N4BP2: variants seen among roughly 807,000 people sequenced by gnomAD.
N4BP2 encodes the protein NEDD4 binding protein 2, also known as NEDD4-binding protein 2.
A neutral mutation model predicts 152.8 loss-of-function variants in N4BP2; 91 were observed. That is an observed-to-expected ratio of 0.60 (90% CI 0.50 to 0.71). The LOEUF is 0.71. Among genes scored for constraint, N4BP2 ranks in the 30% least tolerant of loss-of-function variants. The probability of loss-of-function intolerance (pLI) is 0.00; values close to 1 mark genes in which losing one functional copy is unlikely to be tolerated. For synonymous variants in N4BP2, 646 were observed against 705.3 expected, an observed-to-expected ratio of 0.92 and a Z score of 1.33; for missense variants, 1,923 against 2,059.1, an observed-to-expected ratio of 0.93 and a Z score of 1.28.
chr4:40,148,328 G>C (rs940956944), intron 16 of N4BP2, among the ~76,000 whole-genome samples: 1 of 152,216 alleles, frequency 6.6e-6, no homozygotes, highest in Non-Finnish European at 1.5e-5. Flanking sequence ...GCGCGCGCCT[G>C]CAATCGCAGG....
intron 14 of N4BP2, among the ~76,000 whole-genome samples, chr4:40,138,668 C>T (rs2110025670): frequency 6.6e-6 from 1 of 152,264 alleles, no homozygotes; most frequent in Admixed American, 6.5e-5. Context: ...CTATTCTTTC[C>T]CCATTGAATT....
At chr4:40,084,099 C>T (rs1713681033) in intron 2 of N4BP2, among the ~76,000 whole-genome samples, 1 of 152,182 alleles carries the variant, frequency 6.6e-6, no homozygotes, top group African/African-American at 2.4e-5. Context: ...TACAGGCATG[C>T]GCCACCACTC....
At chr4:40,178,296 A>T in the N4BP2 span, among the ~76,000 whole-genome samples, 1 of 152,270 alleles carries the variant, frequency 6.6e-6, no homozygotes, top group Non-Finnish European at 1.5e-5. Flanking sequence ...GGATAGAATC[A>T]GAAATGAATA....
At chr4:40,094,505 GCT>G (rs1224443768) in intron 2 of N4BP2, among the ~76,000 whole-genome samples, 1 of 151,810 alleles carries the variant, frequency 6.6e-6, no homozygotes, top group Admixed American at 6.6e-5. Context: ...TTATTTTGTA[GCT>G]CTTTTTAGTG....
chr4:40,106,765 C>G (rs1295455400), intron 4 of N4BP2, 135 bp from the exon 5 acceptor site: 1 of 741,908 alleles, frequency 1.3e-6, no homozygotes. Flanking sequence ...GCCAGGCTGG[C>G]CTTGAACTCC....
intron 8 of N4BP2, among the ~76,000 whole-genome samples, chr4:40,118,589 C>T (rs1717569116): frequency 6.6e-6 from 1 of 152,082 alleles, no homozygotes; most frequent in Non-Finnish European, 1.5e-5. Context: ...TTTTGTGAGT[C>T]CGTGATTATG....
intron 3 of N4BP2, among the ~76,000 whole-genome samples, chr4:40,101,490 A>G (rs1715649177): frequency 6.6e-6 from 1 of 152,204 alleles, no homozygotes; most frequent in African/African-American, 2.4e-5. Flanking sequence ...ATTATATTAC[A>G]GTGTAATTGT....
At chr4:40,187,012 A>T in the N4BP2 span, among the ~76,000 whole-genome samples, 1 of 152,248 alleles carries the variant, frequency 6.6e-6, no homozygotes, top group African/African-American at 2.4e-5. Context: ...TTGCATCAGT[A>T]ATAAAGTGAA....
At chr4:40,144,567 T>C in intron 15 of N4BP2, 65 bp from the exon 16 acceptor site, 2 of 1,316,194 alleles carry the variant, frequency 1.5e-6, no homozygotes, top group Non-Finnish European at 2.1e-6. Context: ...GGGGCACTAT[T>C]AACTTCCTCA....
chr4:40,153,175 T>A (rs1290505216), intron 17 of N4BP2, among the ~76,000 whole-genome samples: 1 of 152,238 alleles, frequency 6.6e-6, no homozygotes, highest in Non-Finnish European at 1.5e-5. Flanking sequence ...GAAAAATGTG[T>A]TTGTTGCCAA....
At chr4:40,067,674 T>C (rs937405543) in intron 1 of N4BP2, among the ~76,000 whole-genome samples, 6 of 152,124 alleles carry the variant, frequency 3.9e-5, no homozygotes, top group African/African-American at 1.4e-4. Context: ...CCAGTTTCTC[T>C]ACATCTTCAC....
chr4:40,170,603 A>G, the N4BP2 span, among the ~76,000 whole-genome samples: 1 of 152,214 alleles, frequency 6.6e-6, no homozygotes, highest in Middle Eastern at 3.4e-3. Flanking sequence ...GGTGCCACTG[A>G]ACTCCATCCT....
At chr4:40,139,491 CTT>C (rs1226118008) in intron 14 of N4BP2, among the ~76,000 whole-genome samples, 18 of 125,734 alleles carry the variant, frequency 1.4e-4, no homozygotes, top group Middle Eastern at 3.8e-3. Flanking sequence ...CAGCATTAGG[CTT>C]TTTTTTTTTT....
intron 2 of N4BP2, among the ~76,000 whole-genome samples, chr4:40,084,850 G>A (rs543578950): frequency 6.6e-6 from 1 of 150,688 alleles, no homozygotes; most frequent in African/African-American, 2.4e-5. Flanking sequence ...CCCGACCTCA[G>A]GTGATCTGCC....
chr4:40,132,376 AT>A (rs1718981158), intron 13 of N4BP2, among the ~76,000 whole-genome samples: 1 of 152,002 alleles, frequency 6.6e-6, no homozygotes. Context: ...TATTATAAAA[AT>A]TTTTCTTTAT....
At chr4:40,066,696 CT>C (rs778297722) in intron 1 of N4BP2, among the ~76,000 whole-genome samples, 13 of 152,114 alleles carry the variant, frequency 8.5e-5, no homozygotes, top group Non-Finnish European at 1.5e-4. Flanking sequence ...CAGTTTTTTT[CT>C]TTGTAGTTAA....
chr4:40,132,364 A>G (rs951088136), intron 13 of N4BP2, among the ~76,000 whole-genome samples: 2 of 152,132 alleles, frequency 1.3e-5, no homozygotes, highest in African/African-American at 4.8e-5. Context: ...GTTATGTCCT[A>G]ATATTATAAA....
chr4:40,163,792 CTTTG>C, the N4BP2 span, among the ~76,000 whole-genome samples: 2 of 152,166 alleles, frequency 1.3e-5, no homozygotes, highest in African/African-American at 4.8e-5. Flanking sequence ...AATAAGCTGC[CTTTG>C]TTTGGGTTTT....
intron 1 of N4BP2, among the ~76,000 whole-genome samples, chr4:40,072,428 T>G (rs1712297430): frequency 6.6e-6 from 1 of 151,396 alleles, no homozygotes; most frequent in Non-Finnish European, 1.5e-5. Flanking sequence ...GTATTTTTAG[T>G]AGAGATGGGG....
Sources: gnomAD v4.1 joint callset for allele counts (sites outside exome capture counted in the v4.1 genomes callset) on GRCh38, gnomAD v4.1.1 for gene constraint, MANE v1.5 for transcripts, NCBI Gene and HGNC (gene_info 2026-07-23, HGNC 2026-07-21) for gene names.